The following DNAH11 variants were observed in gnomAD, a reference collection of about 807,000 sequenced individuals.
DNAH11 encodes the protein axonemal beta dynein heavy chain 11.
In DNAH11, 442 loss-of-function variants were observed where a neutral mutation model predicts 526.0. The ratio of observed to expected loss-of-function variants is 0.84; its 90% CI spans 0.78 to 0.91. DNAH11 has a LOEUF of 0.91. Among genes scored for constraint, DNAH11 ranks in the 40% least tolerant of loss-of-function variants. The probability of loss-of-function intolerance (pLI) is 0.00; values close to 1 mark genes in which losing one functional copy is unlikely to be tolerated. For synonymous variants in DNAH11, 2,461 were observed against 1,935.9 expected (o/e 1.27, Z -7.12); for missense variants, 6,989 against 5,448.7 (o/e 1.28, Z -8.90).
At chr7:21,808,675 G>A (rs1205345969) in intron 63 of DNAH11, among the ~76,000 whole-genome samples, 3 of 152,126 alleles carry the variant, frequency 2.0e-5, no homozygotes, top group African/African-American at 4.8e-5. Context: ...TTAACATAAA[G>A]TCCTCCAGTT....
intron 73 of DNAH11, among the ~76,000 whole-genome samples, chr7:21,869,892 C>G (rs369623741): frequency 1.3e-5 from 2 of 152,156 alleles, no homozygotes; most frequent in African/African-American, 4.8e-5. Flanking sequence ...ATTACAAGAA[C>G]CAGTGGAGCA....
rs1248048550 is a variant in DNAH11 at position 21,868,027 on chromosome 7, G to T, written c.11839+20G>T. ...TTCTTGGTGAGTGGCTGGGAGGCTC[G>T]CTGGCCCGCCCCTTCTCCCTCCCTC... is the stretch of plus-strand genomic sequence containing the variant. On this transcript the variant is annotated intron_variant, in intron 72 of 81. Coordinates refer to ENST00000409508, the MANE Select transcript of DNAH11 (RefSeq NM_001277115.2). The T allele has an allele frequency of 6.7e-7, 1 of 1,492,956 alleles. No individual in the cohort carries two copies. Among genetic ancestry groups the T allele is most frequent in the Admixed American group, 2.1e-5 (1 of 47,058 alleles). 92.5% of individuals were successfully genotyped at this position (1,492,956 alleles called of 1,614,324 possible).
intron 68 of DNAH11, among the ~76,000 whole-genome samples, chr7:21,855,634 T>C (rs75534197): frequency 0.053 from 8,118 of 152,284 alleles, 252 homozygotes; most frequent in Middle Eastern, 0.12. Flanking sequence ...CCTGTAACTG[T>C]TTCCAAAGCC....
chr7:21,656,540 A>G (rs1782022163), intron 29 of DNAH11, among the ~76,000 whole-genome samples: 1 of 152,096 alleles, frequency 6.6e-6, no homozygotes. Context: ...AATACCTCAA[A>G]AATATTCTTA....
At chr7:21,605,736 A>C (rs1785255068) in intron 18 of DNAH11, among the ~76,000 whole-genome samples, 1 of 152,204 alleles carries the variant, frequency 6.6e-6, no homozygotes, top group Non-Finnish European at 1.5e-5. Flanking sequence ...AAATTACTAA[A>C]CATGGCTGGC....
intron 74 of DNAH11, among the ~76,000 whole-genome samples, chr7:21,879,443 C>T (rs1783832117): frequency 6.7e-6 from 1 of 150,000 alleles, no homozygotes; most frequent in African/African-American, 2.5e-5. Flanking sequence ...GACTCCATCT[C>T]AAAAAAACAA....
At chr7:21,895,290 A>G (rs1053675414) in intron 79 of DNAH11, among the ~76,000 whole-genome samples, 2 of 152,172 alleles carry the variant, frequency 1.3e-5, no homozygotes, top group Admixed American at 1.3e-4. Flanking sequence ...AAAAATGTAG[A>G]TGGCAATAGA....
rs923298052 is a variant in DNAH11 at position 21,750,152 on chromosome 7, C to T, written c.8798-70C>T. On this transcript the variant is annotated intron_variant, in intron 53 of 81. Transcript: ENST00000409508. ...ACTTTGTCTTGTAAAACATTTCAAA[C>T]GTTTAAAAGTTATATGTAAAATTTA... 3.7e-5 allele frequency: 54 copies of T among 1,469,080 alleles called. No individual in the cohort carries two copies. In the Middle Eastern group the frequency reaches 5.3e-4, roughly 14 times the overall value. 91.0% of individuals were successfully genotyped at this position (1,469,080 alleles called of 1,614,324 possible). A position where few individuals can be genotyped will look rare whatever the true frequency, so the allele number is the denominator to read the frequency against.
At chr7:21,711,928 T>G in intron 42 of DNAH11, 68 bp downstream of exon 42, 1 of 1,537,190 alleles carries the variant, frequency 6.5e-7, no homozygotes, top group East Asian at 2.5e-5. Flanking sequence ...TTTCATAATT[T>G]TTGCTTAAGC....
At chr7:21,636,150 G>A (rs2128459478) in intron 26 of DNAH11, 55 bp downstream of exon 26, 3 of 1,413,224 alleles carry the variant, frequency 2.1e-6, no homozygotes, top group Non-Finnish European at 2.9e-6. Flanking sequence ...AAGTAACATG[G>A]TTTTGAGCAT....
rs1001036201 is a variant in DNAH11, at chr7:21,901,669, T to G, written c.*415T>G. The G allele has an allele frequency of 6.4e-6, 1 of 156,706 alleles. No individual in the cohort carries two copies. Among genetic ancestry groups the G allele is most frequent in the African/African-American group, 2.4e-5 (1 of 41,386 alleles). The allele number at this position is 156,706 out of a possible 1,614,324, so 9.7% of individuals were successfully genotyped here. On this transcript the variant is annotated 3_prime_UTR_variant, in exon 82 of 82. Transcript: ENST00000409508. ...TTTTAATTTTTAACAAACAACAAAT[T>G]AAATTATTAGCCCTTAAACTCTTTC...
chr7:21,888,696 G>A (rs1281364443), intron 76 of DNAH11, among the ~76,000 whole-genome samples: 1 of 151,970 alleles, frequency 6.6e-6, no homozygotes, highest in Non-Finnish European at 1.5e-5. Flanking sequence ...CACCATGTTA[G>A]TCAGGCTGGT....
intron 62 of DNAH11, among the ~76,000 whole-genome samples, chr7:21,803,817 A>G (rs1789116322): frequency 6.7e-6 from 1 of 150,030 alleles, no homozygotes; most frequent in African/African-American, 2.5e-5. Context: ...AAAGTGGGGA[A>G]TGGGGCTGTC....
intron 62 of DNAH11, among the ~76,000 whole-genome samples, chr7:21,802,028 C>G (rs549848188): frequency 6.6e-6 from 1 of 152,292 alleles, no homozygotes; most frequent in East Asian, 1.9e-4. Flanking sequence ...TGAACGTCTT[C>G]AACTTTGTTT....
At chr7:21,789,808 T>TCTTTCTTTCTTTCTTTCTTC in intron 61 of DNAH11, among the ~76,000 whole-genome samples, 4 of 34,084 alleles carry the variant, frequency 1.2e-4, no homozygotes, top group African/African-American at 3.2e-4. Flanking sequence ...TTTCTTTCTT[T>TCTTTCTTTCTTTCTTTCTTC]TTTCTTTCTT....
chr7:21,701,434 C>T (rs543845200), intron 36 of DNAH11, among the ~76,000 whole-genome samples: 20 of 152,082 alleles, frequency 1.3e-4, no homozygotes, highest in African/African-American at 2.4e-4. Flanking sequence ...AGACTCTAGG[C>T]GTGCACCATC....
At chr7:21,839,678 ATAG>A (rs1373183378) in intron 65 of DNAH11, among the ~76,000 whole-genome samples, 1 of 152,226 alleles carries the variant, frequency 6.6e-6, no homozygotes, top group Non-Finnish European at 1.5e-5. Context: ...AAACAATTAA[ATAG>A]TAGGAGGTAC....
chr7:21,867,902 A>T lies in DNAH11; in HGVS notation c.11734A>T (p.Thr3912Ser), dbSNP rs1371958802. Residue 3912 changes from threonine to serine, a missense_variant, in exon 72 of 82, where the codon ACC becomes TCC. Coordinates refer to ENST00000409508, the MANE Select transcript of DNAH11 (RefSeq NM_001277115.2). ...ACTGGGTGCGAAGTATGTGGAGAGGACCAGATTGGACTTAGTTAAAGCATT... is the reference window on the plus strand; with the variant it reads ...ACTGGGTGCGAAGTATGTGGAGAGGTCCAGATTGGACTTAGTTAAAGCATT... Reference protein sequence around the residue: ...EKLGAKYVERTRLDLVKAFEE... With the variant: ...EKLGAKYVERSRLDLVKAFEE... 5.1e-6 allele frequency: 8 copies of T among 1,580,950 alleles called. No individual in the cohort carries two copies. In the African/African-American group the frequency reaches 1.1e-4, roughly 21 times the overall value.
intron 65 of DNAH11, among the ~76,000 whole-genome samples, chr7:21,831,909 G>A (rs1384904700): frequency 6.6e-6 from 1 of 152,120 alleles, no homozygotes; most frequent in African/African-American, 2.4e-5. Flanking sequence ...GACCAGCAAG[G>A]TGAAACCCCA....
Sources: gnomAD v4.1 joint callset for allele counts (sites outside exome capture counted in the v4.1 genomes callset) on GRCh38, gnomAD v4.1.1 for gene constraint, MANE v1.5 for transcripts, NCBI Gene and HGNC (gene_info 2026-07-23, HGNC 2026-07-21) for gene names.